PCDHA4: variants seen among roughly 807,000 people sequenced by gnomAD.
The protein encoded by PCDHA4 is protocadherin alpha 4, also known as protocadherin alpha-4.
PCDHA4 carries 49 observed loss-of-function variants against 61.4 expected under a neutral mutation model. That is an observed-to-expected ratio of 0.80 (90% confidence interval 0.63 to 1.01). The LOEUF is 1.01. Ranked by LOEUF, PCDHA4 falls within the 50% of genes least tolerant of loss-of-function variation. The probability of loss-of-function intolerance (pLI) is 0.00; values close to 1 mark genes in which losing one functional copy is unlikely to be tolerated. For synonymous variants in PCDHA4, 590 were observed against 550.3 expected (o/e 1.07, Z -1.01); for missense variants, 1,254 against 1,235.8 (o/e 1.01, Z -0.22).
chr5:140,833,812 C>G (rs1772666935), intron 1 of PCDHA4, among the ~76,000 whole-genome samples: 1 of 152,102 alleles, frequency 6.6e-6, no homozygotes, highest in Admixed American at 6.6e-5. Flanking sequence ...TTCTTGAGAT[C>G]CTGGGTCCCT....
chr5:140,859,624 G>A (rs11749013), intron 1 of PCDHA4: 1 of 160,568 alleles, frequency 6.2e-6, no homozygotes, highest in Non-Finnish European at 1.4e-5. Flanking sequence ...TTCTCTTTGA[G>A]TATGGAGATT....
chr5:140,966,922 G>A (rs782206344), intron 1 of PCDHA4: 5 of 1,603,072 alleles, frequency 3.1e-6, no homozygotes, highest in Non-Finnish European at 4.2e-6. Context: ...CAGAGGAGCA[G>A]GCACCCGGCG....
chr5:140,961,278 C>T (rs1205288915), intron 1 of PCDHA4, among the ~76,000 whole-genome samples: 1 of 152,192 alleles, frequency 6.6e-6, no homozygotes, highest in Non-Finnish European at 1.5e-5. Context: ...TTTACCATGG[C>T]TCTGTTTCTT....
chr5:140,822,050 A>G, intron 1 of PCDHA4: 1 of 1,614,182 alleles, frequency 6.2e-7, no homozygotes. Flanking sequence ...ATCGACCGGG[A>G]GGAGCTGTGC....
intron 1 of PCDHA4, among the ~76,000 whole-genome samples, chr5:140,916,660 T>A (rs2077673786): frequency 6.6e-6 from 1 of 152,172 alleles, no homozygotes; most frequent in African/African-American, 2.4e-5. Flanking sequence ...GTATCCAAGA[T>A]GCAAGACAAA....
At chr5:140,883,128 C>G (rs782352091) in intron 1 of PCDHA4, 1 of 1,614,060 alleles carries the variant, frequency 6.2e-7, no homozygotes, top group Non-Finnish European at 8.5e-7. Flanking sequence ...CCTGTATGGC[C>G]TGCAGTGGTA....
chr5:140,854,159 CAAAAAA>C, intron 1 of PCDHA4: 1 of 339,904 alleles, frequency 2.9e-6, no homozygotes, highest in Middle Eastern at 1.4e-3. Flanking sequence ...GATTCTGTCT[CAAAAAA>C]AAAAAAAAAA....
chr5:140,935,765 A>G (rs1554210670), intron 1 of PCDHA4, among the ~76,000 whole-genome samples: 1 of 152,080 alleles, frequency 6.6e-6, no homozygotes, highest in Non-Finnish European at 1.5e-5. Flanking sequence ...ATTCTTCCCC[A>G]CTTTGAGTTT....
intron 1 of PCDHA4, chr5:140,849,250 C>T: frequency 9.2e-7 from 1 of 1,091,342 alleles, no homozygotes; most frequent in Non-Finnish European, 1.3e-6. Context: ...GTGAAATTAC[C>T]AGAAAACGTT....
At chr5:140,859,044 G>C (rs1228604447) in intron 1 of PCDHA4, 6 of 150,376 alleles carry the variant, frequency 4.0e-5, no homozygotes, top group Non-Finnish European at 7.4e-5. Context: ...CTTTAAAAAC[G>C]TTTTCCATTT....
At chr5:140,825,739 G>A (rs1335212262) in intron 1 of PCDHA4, 5 of 152,354 alleles carry the variant, frequency 3.3e-5, no homozygotes, top group Non-Finnish European at 5.9e-5. Context: ...TTATATTGAT[G>A]AGGAGTAACT....
At chr5:140,975,671 T>C (rs923429904) in intron 1 of PCDHA4, among the ~76,000 whole-genome samples, 2 of 152,248 alleles carry the variant, frequency 1.3e-5, no homozygotes, top group Admixed American at 6.5e-5. Context: ...TGTGAGTTTA[T>C]TAATAAAATA....
At chr5:140,896,599 A>G (rs1247154870) in intron 1 of PCDHA4, among the ~76,000 whole-genome samples, 1 of 151,478 alleles carries the variant, frequency 6.6e-6, no homozygotes, top group African/African-American at 2.4e-5. Context: ...CTGGTCTCGA[A>G]CTCCTGGTCT....
intron 1 of PCDHA4, chr5:140,929,402 A>G: frequency 7.3e-6 from 11 of 1,507,926 alleles, no homozygotes; most frequent in Non-Finnish European, 9.7e-6. Context: ...TTTCTTAGAC[A>G]AGCCTTTCAC....
rs2058926605 is a variant in PCDHA4, at chr5:140,882,051, AC to A, written c.2385+72480del. The A allele has an allele frequency of 7.9e-6, 6 of 757,556 alleles. No homozygotes were observed. The Admixed American group carries it at 1.6e-4, about 20-fold the overall frequency. 46.9% of individuals were successfully genotyped at this position (757,556 alleles called of 1,614,324 possible). A position where few individuals can be genotyped will look rare whatever the true frequency, so the allele number is the denominator to read the frequency against. ...AAAATATGAAGACTGAGTCATACTT[AC>A]ACTTACACGTTCATGCGCATGGTGT... On this transcript the variant is annotated intron_variant, in intron 1 of 3. Coordinates refer to ENST00000530339, the MANE Select transcript of PCDHA4 (RefSeq NM_018907.4).
chr5:140,946,613 T>A (rs1300820927), intron 1 of PCDHA4, among the ~76,000 whole-genome samples: 1 of 116,702 alleles, frequency 8.6e-6, no homozygotes, highest in South Asian at 2.6e-4. Context: ...AAATGTGAAA[T>A]ATATATATAT....
At chr5:140,827,938 A>G (rs1554130936) in intron 1 of PCDHA4, 1 of 1,127,878 alleles carries the variant, frequency 8.9e-7, no homozygotes, top group African/African-American at 1.6e-5. Flanking sequence ...AGTTATAGCT[A>G]GCCAACATTC....
chr5:140,825,633 G>T (rs1476004064), intron 1 of PCDHA4: 1 of 151,844 alleles, frequency 6.6e-6, no homozygotes, highest in Non-Finnish European at 1.5e-5. Context: ...TGTTGGTCAT[G>T]GTGGTCTCGA....
intron 1 of PCDHA4, chr5:140,869,236 G>C (rs781873875): frequency 1.2e-6 from 2 of 1,613,674 alleles, no homozygotes; most frequent in South Asian, 2.2e-5. Flanking sequence ...CGGCACCTTC[G>C]TGGGCCGCAT....
Sources: allele counts gnomAD v4.1 joint callset (sites outside exome capture counted in the v4.1 genomes callset), GRCh38; gene constraint gnomAD v4.1.1; transcripts MANE v1.5; gene names NCBI Gene and HGNC (gene_info 2026-07-23, HGNC 2026-07-21).